SIPA1L3: variants seen among roughly 807,000 people sequenced by gnomAD.
SIPA1L3 encodes signal induced proliferation associated 1 like 3.
In SIPA1L3, 59 loss-of-function variants were observed where a neutral mutation model predicts 150.1. The observed-to-expected ratio is 0.39, with a 90% CI of 0.32 to 0.49. The LOEUF (loss-of-function observed/expected upper bound fraction) is 0.49. SIPA1L3 is among the 20% of genes least tolerant of loss of function. SIPA1L3 has a pLI of 0.86. For synonymous variants in SIPA1L3, 1,070 were observed against 1,077.6 expected (o/e 0.99, Z 0.14); for missense variants, 2,211 against 2,489.5 (o/e 0.89, Z 2.38).
intron 1 of SIPA1L3, among the ~76,000 whole-genome samples, chr19:37,990,870 A>G (rs1967488191): frequency 6.6e-6 from 1 of 152,182 alleles, no homozygotes; most frequent in Non-Finnish European, 1.5e-5. Flanking sequence ...TACTGTTGTT[A>G]GCCTTTTTTT....
chr19:38,004,791 G>C (rs1037718993), intron 1 of SIPA1L3, among the ~76,000 whole-genome samples: 1 of 152,128 alleles, frequency 6.6e-6, no homozygotes, highest in Non-Finnish European at 1.5e-5. Flanking sequence ...TTGGAACCAG[G>C]ACACACATGC....
chr19:38,068,760 G>A (rs1969652887), intron 2 of SIPA1L3, among the ~76,000 whole-genome samples: 1 of 152,172 alleles, frequency 6.6e-6, no homozygotes, highest in Non-Finnish European at 1.5e-5. Context: ...AAGAGGCTGA[G>A]GTGGGAAGAT....
intron 1 of SIPA1L3, among the ~76,000 whole-genome samples, chr19:38,000,512 T>A (rs1243645692): frequency 6.8e-6 from 1 of 146,746 alleles, no homozygotes; most frequent in East Asian, 2.0e-4. Context: ...CCTCGGTTTA[T>A]AAATAGTGGT....
At chr19:37,994,080 TTA>T (rs1394501731) in intron 1 of SIPA1L3, among the ~76,000 whole-genome samples, 1 of 152,062 alleles carries the variant, frequency 6.6e-6, no homozygotes, top group Non-Finnish European at 1.5e-5. Flanking sequence ...TTTTTATTTT[TTA>T]TAGAGATGTG....
At chr19:38,092,559 G>A (rs1568545893) in intron 4 of SIPA1L3, among the ~76,000 whole-genome samples, 1 of 152,154 alleles carries the variant, frequency 6.6e-6, no homozygotes, top group African/African-American at 2.4e-5. Flanking sequence ...ACTAGCCGTG[G>A]GGGACTCTGA....
Position 38,193,615 on chromosome 19 carries a change from A to G in SIPA1L3, c.4675A>G (p.Ser1559Gly). The G allele has an allele frequency of 6.4e-7, 1 of 1,568,838 alleles. No individual in the cohort carries two copies. Among genetic ancestry groups the G allele is most frequent in the Non-Finnish European group, 8.6e-7 (1 of 1,166,818 alleles). ...CSGRREPSFA[S>G]PAGLEPGLPS... is the part of the protein sequence containing the mutation. ...CGGGCGCCGGGAGCCCAGCTTCGCCAGCCCCGCTGGCCTAGAGCCAGGGCT... is the reference window on the plus strand; with the variant it reads ...CGGGCGCCGGGAGCCCAGCTTCGCCGGCCCCGCTGGCCTAGAGCCAGGGCT... The change falls in exon 18 of 22, where the codon AGC (serine) becomes GGC (glycine). Residue 1559 changes from serine to glycine, a missense_variant. Transcript: ENST00000222345.
intron 13 of SIPA1L3, among the ~76,000 whole-genome samples, chr19:38,155,084 G>A (rs544007260): frequency 6.6e-6 from 1 of 152,014 alleles, no homozygotes; most frequent in Non-Finnish European, 1.5e-5. Context: ...TTATAAGAAG[G>A]TGCCAAACTG....
chr19:37,958,259 C>A (rs2046828447), intron 1 of SIPA1L3, among the ~76,000 whole-genome samples: 1 of 151,878 alleles, frequency 6.6e-6, no homozygotes, highest in African/African-American at 2.4e-5. Flanking sequence ...CATGGCAAAA[C>A]CCTGCTCTAT....
At chr19:38,092,039 G>A (rs1000622457) in intron 4 of SIPA1L3, among the ~76,000 whole-genome samples, 10 of 150,510 alleles carry the variant, frequency 6.6e-5, no homozygotes, top group Non-Finnish European at 1.5e-4. Context: ...ACTCCAGGCT[G>A]GGTGACACAG....
At chr19:38,088,360 G>T (rs561810515) in intron 3 of SIPA1L3, among the ~76,000 whole-genome samples, 4 of 152,252 alleles carry the variant, frequency 2.6e-5, no homozygotes, top group Admixed American at 6.5e-5. Flanking sequence ...GGGATTAATC[G>T]CAGTGATGCT....
intron 2 of SIPA1L3, among the ~76,000 whole-genome samples, chr19:38,041,181 A>G (rs1886069785): frequency 7.1e-6 from 1 of 141,060 alleles, no homozygotes; most frequent in Non-Finnish European, 1.5e-5. Flanking sequence ...ATTTTGTCTC[A>G]TTGCAACCTC....
In SIPA1L3 at chr19:38,001,815, C is replaced by A. The variant is rs147794696; in HGVS notation, c.-378-27274C>A. On this transcript the variant is annotated intron_variant, in intron 1 of 21. Transcript: ENST00000222345. ...TAACCATTTAAAACTTTTATTGTGGCACAATATACATAACAAATTTTTTTT... is the reference window on the plus strand; with the variant it reads ...TAACCATTTAAAACTTTTATTGTGGAACAATATACATAACAAATTTTTTTT... Among the ~76,000 whole-genome samples, 259 of 152,220 alleles carry A rather than the reference C, an allele frequency of 1.7e-3. 1 individual carries two copies. Among genetic ancestry groups the A allele is most frequent in the African/African-American group, 6.0e-3 (251 of 41,556 alleles).
At chr19:37,961,862 A>G (rs1335770597) in intron 1 of SIPA1L3, among the ~76,000 whole-genome samples, 2 of 151,990 alleles carry the variant, frequency 1.3e-5, no homozygotes, top group African/African-American at 4.8e-5. Context: ...TTTTTGATCT[A>G]TCTTTAAGCC....
intron 1 of SIPA1L3, among the ~76,000 whole-genome samples, chr19:37,959,858 A>ACCG: frequency 6.8e-6 from 1 of 146,832 alleles, no homozygotes; most frequent in East Asian, 2.0e-4. Context: ...GGATCACAGC[A>ACCG]TGCGTCTAAA....
chr19:38,028,133 G>A (rs955814608), intron 1 of SIPA1L3, among the ~76,000 whole-genome samples: 3 of 152,024 alleles, frequency 2.0e-5, no homozygotes, highest in East Asian at 1.9e-4. Flanking sequence ...TGCCTTCTCC[G>A]CCTGGAGACA....
chr19:38,091,923 G>C lies in SIPA1L3; in HGVS notation c.1665+3072G>C, dbSNP rs553935559. 1.1e-4 allele frequency among the ~76,000 whole-genome samples: 16 copies of C among 152,040 alleles called. No homozygotes were observed. The South Asian group carries it at 2.5e-3, about 24-fold the overall frequency. Reference sequence around the variant, plus strand: ...AAATACAAAAAAAAAAATTAGCTAGGCATGGTAGCAGGTGACTATAATCCC... The same window carrying C: ...AAATACAAAAAAAAAAATTAGCTAGCCATGGTAGCAGGTGACTATAATCCC... On this transcript the variant is annotated intron_variant, in intron 4 of 21. Transcript: ENST00000222345.
At chr19:38,002,758 A>T (rs900560116) in intron 1 of SIPA1L3, among the ~76,000 whole-genome samples, 1 of 148,884 alleles carries the variant, frequency 6.7e-6, no homozygotes, top group African/African-American at 2.5e-5. Context: ...ATATGTATAT[A>T]TATATATCTC....
intron 1 of SIPA1L3, among the ~76,000 whole-genome samples, chr19:37,962,229 C>T (rs1004359756): frequency 3.3e-5 from 5 of 150,978 alleles, no homozygotes; most frequent in South Asian, 2.1e-4. Flanking sequence ...CTGCAACCTC[C>T]GCCTCCGGAG....
chr19:38,072,359 G>A (rs1358104007), intron 2 of SIPA1L3, among the ~76,000 whole-genome samples: 4 of 152,208 alleles, frequency 2.6e-5, no homozygotes, highest in Non-Finnish European at 4.4e-5. Context: ...CGTAGATACT[G>A]GCTTTTGTGT....
Sources: allele counts gnomAD v4.1 joint callset (sites outside exome capture counted in the v4.1 genomes callset), GRCh38; gene constraint gnomAD v4.1.1; transcripts MANE v1.5; gene names NCBI Gene and HGNC (gene_info 2026-07-23, HGNC 2026-07-21).